PDE4B: variants seen among roughly 807,000 people sequenced by gnomAD.
PDE4B encodes phosphodiesterase 4B, also known as 3',5'-cyclic-AMP phosphodiesterase 4B.
In PDE4B, 20 loss-of-function variants were observed where a neutral mutation model predicts 82.2. The ratio of observed to expected loss-of-function variants is 0.24; its 90% CI spans 0.17 to 0.35. The LOEUF is 0.35. Ranked by LOEUF, PDE4B falls within the 10% of genes least tolerant of loss-of-function variation. PDE4B has a pLI of 1.00. For synonymous variants in PDE4B, 320 were observed against 318.9 expected (o/e 1.00, Z -0.04); for missense variants, 655 against 907.2 (o/e 0.72, Z 3.57).
intron 3 of PDE4B, among the ~76,000 whole-genome samples, chr1:66,104,144 C>T (rs965362621): frequency 6.2e-5 from 9 of 145,572 alleles, no homozygotes; most frequent in African/African-American, 2.0e-4. Flanking sequence ...TGTGTCCATG[C>T]GTTCTCGTTG....
At chr1:66,233,739 C>G (rs748904844) in intron 3 of PDE4B, among the ~76,000 whole-genome samples, 4 of 151,862 alleles carry the variant, frequency 2.6e-5, no homozygotes, top group Admixed American at 6.6e-5. Context: ...TGAACTTTAT[C>G]AAATGCTTTT....
intron 3 of PDE4B, among the ~76,000 whole-genome samples, chr1:66,106,789 C>T (rs1645369360): frequency 7.2e-6 from 1 of 138,300 alleles, no homozygotes; most frequent in Non-Finnish European, 1.6e-5. Context: ...GTGATATCCC[C>T]TTTATCATTT....
intron 7 of PDE4B, among the ~76,000 whole-genome samples, chr1:66,311,169 A>G (rs1293723840): frequency 6.6e-6 from 1 of 152,182 alleles, no homozygotes; most frequent in African/African-American, 2.4e-5. Context: ...GCGCCAACCT[A>G]AAAAATTAAA....
intron 1 of PDE4B, among the ~76,000 whole-genome samples, chr1:65,825,507 T>C (rs1646003185): frequency 6.6e-6 from 1 of 152,148 alleles, no homozygotes; most frequent in Non-Finnish European, 1.5e-5. Flanking sequence ...GAATCACATG[T>C]TGAAAGAGTC....
At chr1:65,804,760 T>G (rs1264178844) in intron 1 of PDE4B, among the ~76,000 whole-genome samples, 1 of 152,054 alleles carries the variant, frequency 6.6e-6, no homozygotes, top group Non-Finnish European at 1.5e-5. Flanking sequence ...CTATTCCAGG[T>G]GGGCTGGGAG....
intron 3 of PDE4B, among the ~76,000 whole-genome samples, chr1:65,961,074 C>T (rs572703507): frequency 2.0e-5 from 3 of 152,096 alleles, no homozygotes; most frequent in African/African-American, 4.8e-5. Flanking sequence ...AACCTTTGCC[C>T]GTGGAGCTTG....
intron 7 of PDE4B, among the ~76,000 whole-genome samples, chr1:66,323,366 G>A (rs1331454364): frequency 6.6e-6 from 1 of 152,042 alleles, no homozygotes; most frequent in Non-Finnish European, 1.5e-5. Flanking sequence ...TGGGTCCCTG[G>A]TTATCCCTAT....
At position 65,793,067 on chromosome 1, in the gene PDE4B, TGCACGCGAGC is replaced by T. The variant is rs1482763432; in HGVS notation, c.-249_-240del. 2 of 151,908 alleles carry T rather than the reference TGCACGCGAGC, an allele frequency of 1.3e-5. No individual in the cohort carries two copies. The highest frequency in any genetic ancestry group is 6.5e-5 in the Admixed American group (1 of 15,276). The allele number at this position is 151,908 out of a possible 1,614,324, so 9.4% of individuals were successfully genotyped here. A position where few individuals can be genotyped will look rare whatever the true frequency, so the allele number is the denominator to read the frequency against. ...GCAGGCTCTTCGTCGCGGGCCGGGC[TGCACGCGAGC>T]GCCCTCCGGGCAGACTTTCGTCCCC... On this transcript the variant is annotated 5_prime_UTR_variant, in exon 1 of 17. Coordinates refer to ENST00000341517, the MANE Select transcript of PDE4B (RefSeq NM_002600.4).
chr1:66,042,147 CA>C (rs1267762072), intron 3 of PDE4B, among the ~76,000 whole-genome samples: 1 of 151,700 alleles, frequency 6.6e-6, no homozygotes, highest in Non-Finnish European at 1.5e-5. Context: ...TTGTTTCCCC[CA>C]AATCAAATAA....
intron 7 of PDE4B, among the ~76,000 whole-genome samples, chr1:66,288,850 G>A (rs566267): frequency 0.62 from 94,368 of 152,010 alleles, 29,942 homozygotes; most frequent in African/African-American, 0.72. Flanking sequence ...TCCACCATCA[G>A]CAGGACTTGG....
intron 3 of PDE4B, among the ~76,000 whole-genome samples, chr1:65,943,093 G>A (rs977545704): frequency 6.6e-6 from 1 of 151,854 alleles, no homozygotes; most frequent in African/African-American, 2.4e-5. Flanking sequence ...ACCCAGACCA[G>A]TGTAATGGAG....
At chr1:66,062,113 T>C (rs947079061) in intron 3 of PDE4B, among the ~76,000 whole-genome samples, 2 of 152,108 alleles carry the variant, frequency 1.3e-5, no homozygotes, top group African/African-American at 4.8e-5. Flanking sequence ...TTTAGCCATC[T>C]TAGCATTTAA....
At chr1:66,000,483 G>C (rs1651805524) in intron 3 of PDE4B, among the ~76,000 whole-genome samples, 1 of 152,182 alleles carries the variant, frequency 6.6e-6, no homozygotes, top group African/African-American at 2.4e-5. Context: ...AGACGTCACT[G>C]AGAGGGAAAC....
intron 1 of PDE4B, among the ~76,000 whole-genome samples, chr1:65,872,649 T>C (rs1646586804): frequency 6.6e-6 from 1 of 152,196 alleles, no homozygotes; most frequent in Admixed American, 6.6e-5. Flanking sequence ...ACAGTGTTAA[T>C]GGATGTGGAA....
chr1:66,042,255 T>A (rs1406840201), intron 3 of PDE4B, among the ~76,000 whole-genome samples: 1 of 151,818 alleles, frequency 6.6e-6, no homozygotes, highest in African/African-American at 2.4e-5. Flanking sequence ...AGCCCCAAGA[T>A]AGCATGTTTT....
intron 3 of PDE4B, among the ~76,000 whole-genome samples, chr1:66,004,352 C>A (rs1352126237): frequency 6.6e-6 from 1 of 152,048 alleles, no homozygotes; most frequent in Non-Finnish European, 1.5e-5. Context: ...CATCTTAAAT[C>A]CATTCTTTTA....
chr1:65,990,668 A>G (rs1471867272), intron 3 of PDE4B, among the ~76,000 whole-genome samples: 1 of 152,150 alleles, frequency 6.6e-6, no homozygotes, highest in Non-Finnish European at 1.5e-5. Context: ...CAAAATTACA[A>G]TTTTGTAATT....
intron 3 of PDE4B, chr1:66,152,327 G>A (rs1646413483): frequency 5.9e-6 from 1 of 169,036 alleles, no homozygotes; most frequent in African/African-American, 2.4e-5. Flanking sequence ...GGAAAACTCA[G>A]GAGCATTGTA....
intron 3 of PDE4B, among the ~76,000 whole-genome samples, chr1:66,185,830 T>A (rs977939494): frequency 6.6e-6 from 1 of 152,056 alleles, no homozygotes; most frequent in African/African-American, 2.4e-5. Context: ...GCAGAGGCTC[T>A]TTAGTTTAAT....
Sources: gnomAD v4.1 joint callset for allele counts (sites outside exome capture counted in the v4.1 genomes callset) on GRCh38, gnomAD v4.1.1 for gene constraint, MANE v1.5 for transcripts, NCBI Gene and HGNC (gene_info 2026-07-23, HGNC 2026-07-21) for gene names.